MROH7: variants seen among roughly 807,000 people sequenced by gnomAD.
MROH7 encodes maestro heat like repeat family member 7, also known as maestro heat-like repeat-containing protein family member 7.
MROH7 carries 113 observed loss-of-function variants against 129.2 expected under a neutral mutation model. That is an observed-to-expected ratio of 0.87 (90% CI 0.75 to 1.02). The LOEUF is 1.02. Ranked by LOEUF, MROH7 falls within the 50% of genes least tolerant of loss-of-function variation. The pLI is 0.00. For synonymous variants in MROH7, 655 were observed against 667.9 expected (o/e 0.98, Z 0.30); for missense variants, 1,601 against 1,671.3 (o/e 0.96, Z 0.73).
chr1:54,702,199 T>C lies in MROH7; in HGVS notation c.3395T>C (p.Val1132Ala), dbSNP rs761442713. The change falls in exon 20 of 24, where the codon GTG (valine) becomes GCG (alanine). Residue 1132 changes from valine to alanine, a missense_variant. By Grantham distance (64) the Val-to-Ala change is moderately conservative. Coordinates refer to ENST00000421030, the MANE Select transcript of MROH7 (RefSeq NM_001039464.4). Reference sequence around the variant, plus strand: ...GAGGAGCAGCTGGTCAGCACCTTGGTGCCCCTACTGCTGACCATGCAGGAG... The same window carrying C: ...GAGGAGCAGCTGGTCAGCACCTTGGCGCCCCTACTGCTGACCATGCAGGAG... ...AMEEQLVSTL[V>A]PLLLTMQEGN... is the part of the protein sequence containing the mutation. The C allele has an allele frequency of 6.3e-7, 1 of 1,593,096 alleles. No individual in the cohort carries two copies. The highest frequency in any genetic ancestry group is 8.5e-7 in the Non-Finnish European group (1 of 1,170,544).
At chr1:54,679,080 T>A (rs1429446654) in intron 11 of MROH7, among the ~76,000 whole-genome samples, 183 bp from the exon 12 acceptor site, 1 of 152,212 alleles carries the variant, frequency 6.6e-6, no homozygotes, top group Non-Finnish European at 1.5e-5. Flanking sequence ...GACATGTTGC[T>A]CTTACTTTTG....
At chr1:54,693,337 C>A (rs1275476526) in intron 16 of MROH7, among the ~76,000 whole-genome samples, 1 of 152,106 alleles carries the variant, frequency 6.6e-6, no homozygotes, top group African/African-American at 2.4e-5. Context: ...GTAGTCCCAG[C>A]CACTCGGGAG....
rs761828972 is a variant in MROH7 at position 54,653,098 on chromosome 1, G to A, written c.172G>A (p.Val58Ile). 26 of 1,614,050 alleles carry A rather than the reference G, an allele frequency of 1.6e-5. No homozygotes were observed. The highest frequency in any genetic ancestry group is 6.7e-5 in the Admixed American group (4 of 60,004). Residue 58 changes from valine (V) to isoleucine (I), a missense_variant, in exon 3 of 24, where the codon GTT becomes ATT. Transcript: ENST00000421030. ...GCTCCCAAGTCCTGGCTTGGCTCTC[G>A]TTCCAGATCTTAATGATTCTTTGAG... is the stretch of plus-strand genomic sequence containing the variant. The part of the protein sequence containing the change: ...NLLPSPGLAL[V>I]PDLNDSLSPV...
At chr1:54,699,167 CTTTCTTTCTTTCTTTCTTTCTCTT>C (rs1645386445) in intron 17 of MROH7, 1 of 113,174 alleles carries the variant, frequency 8.8e-6, no homozygotes, top group African/African-American at 3.5e-5. Context: ...TCTTTTCTTT[CTTTCTTTCTTTCTTTCTTTCTCTT>C]TCTTTCTTTC....
At chr1:54,704,820 A>G (rs201311095) in intron 21 of MROH7, among the ~76,000 whole-genome samples, 1 of 23,988 alleles carries the variant, frequency 4.2e-5, no homozygotes, top group South Asian at 1.7e-3. Context: ...TTTTTTTGAG[A>G]TGGAGTTTCA....
At chr1:54,675,893 C>T (rs1247981914) in intron 10 of MROH7, among the ~76,000 whole-genome samples, 2 of 151,996 alleles carry the variant, frequency 1.3e-5, no homozygotes, top group Admixed American at 6.6e-5. Context: ...GCCTTGACCT[C>T]CCAAAGTGCT....
intron 1 of MROH7, among the ~76,000 whole-genome samples, chr1:54,642,759 G>A (rs747370550): frequency 6.6e-6 from 1 of 152,094 alleles, no homozygotes; most frequent in African/African-American, 2.4e-5. Context: ...GGGACTACAG[G>A]TGCACACATC....
At chr1:54,673,029 C>A in intron 7 of MROH7, 62 bp from the exon 8 acceptor site, 2 of 1,272,766 alleles carry the variant, frequency 1.6e-6, no homozygotes, top group Non-Finnish European at 2.3e-6. Context: ...CACCAGGGGC[C>A]GCCTGGGGCT....
intron 5 of MROH7, among the ~76,000 whole-genome samples, chr1:54,669,650 G>A (rs1466096439): frequency 6.6e-6 from 1 of 152,120 alleles, no homozygotes; most frequent in African/African-American, 2.4e-5. Context: ...TTAGCCTCTC[G>A]AGATTTGGGA....
intron 1 of MROH7, among the ~76,000 whole-genome samples, chr1:54,646,095 G>T (rs12140957): frequency 0.068 from 10,413 of 152,296 alleles, 464 homozygotes; most frequent in Middle Eastern, 0.12. Context: ...ATTCCTGCTG[G>T]TGCTGCCTAC....
chr1:54,673,583 G>C (rs1359467451), intron 8 of MROH7, 118 bp from the exon 9 acceptor site: 5 of 727,462 alleles, frequency 6.9e-6, no homozygotes, highest in Non-Finnish European at 1.2e-5. Context: ...GGAGGGCTGT[G>C]GTGACCTTTA....
At chr1:54,694,824 G>A (rs1288638018) in intron 16 of MROH7, among the ~76,000 whole-genome samples, 1 of 152,180 alleles carries the variant, frequency 6.6e-6, no homozygotes, top group Non-Finnish European at 1.5e-5. Flanking sequence ...AGTGGGGGTG[G>A]CACTGAGAGG....
chr1:54,707,990 CAGAT>C (rs1416651591), intron 22 of MROH7, among the ~76,000 whole-genome samples: 1 of 152,034 alleles, frequency 6.6e-6, no homozygotes, highest in Non-Finnish European at 1.5e-5. Flanking sequence ...GTGGTATAAA[CAGAT>C]AGAGAAAAGC....
chr1:54,698,495 G>C (rs552207467), intron 17 of MROH7: 1 of 153,468 alleles, frequency 6.5e-6, no homozygotes, highest in African/African-American at 2.4e-5. Context: ...CCGGTGACCT[G>C]TCCTGCCCCC....
chr1:54,647,603 G>T (rs551388266), intron 1 of MROH7, among the ~76,000 whole-genome samples: 10 of 152,110 alleles, frequency 6.6e-5, no homozygotes, highest in African/African-American at 4.8e-5. Flanking sequence ...AGCCGGGTGT[G>T]GTGGCATGCA....
At chr1:54,684,276 C>T (rs1001303401) in intron 14 of MROH7, among the ~76,000 whole-genome samples, 1 of 152,178 alleles carries the variant, frequency 6.6e-6, no homozygotes, top group Non-Finnish European at 1.5e-5. Context: ...CATGTCTCCC[C>T]CCAGGTCACC....
At chr1:54,693,425 A>C (rs896819628) in intron 16 of MROH7, among the ~76,000 whole-genome samples, 1 of 152,110 alleles carries the variant, frequency 6.6e-6, no homozygotes, top group Non-Finnish European at 1.5e-5. Context: ...CTCCAGCCTG[A>C]AAAAAAGTAC....
intron 18 of MROH7, among the ~76,000 whole-genome samples, chr1:54,700,926 C>G (rs1356727175): frequency 6.6e-6 from 1 of 152,228 alleles, no homozygotes; most frequent in Non-Finnish European, 1.5e-5. Flanking sequence ...AGCAAAGGGC[C>G]TCAGGGGTCC....
intron 6 of MROH7, 106 bp downstream of exon 6, chr1:54,670,682 TC>T: frequency 2.9e-6 from 1 of 341,030 alleles, no homozygotes; most frequent in African/African-American, 6.0e-5. Context: ...CCCCCACCCC[TC>T]GCCCGGTGCC....
Sources: gnomAD v4.1 joint callset for allele counts (sites outside exome capture counted in the v4.1 genomes callset) on GRCh38, gnomAD v4.1.1 for gene constraint, MANE v1.5 for transcripts, NCBI Gene and HGNC (gene_info 2026-07-23, HGNC 2026-07-21) for gene names.